Variants in TYW1B observed in about 807,000 individuals in gnomAD.
The protein encoded by TYW1B is tRNA-yW synthesizing protein 1 homolog B.
Under a neutral mutation model 86.9 loss-of-function variants are expected in TYW1B, and 73 were observed. That is an observed-to-expected ratio of 0.84 (90% CI 0.70 to 1.02). The LOEUF is 1.02. Among genes scored for constraint, TYW1B ranks in the 50% least tolerant of loss-of-function variants. The pLI is 0.00. For synonymous variants in TYW1B, 248 were observed against 292.8 expected (o/e 0.85, Z 1.56); for missense variants, 637 against 827.4 (o/e 0.77, Z 2.82).
chr7:72,659,661 G>A (rs1813285321), intron 11 of TYW1B, among the ~76,000 whole-genome samples: 1 of 152,192 alleles, frequency 6.6e-6, no homozygotes, highest in African/African-American at 2.4e-5. Context: ...CAGAACCTAG[G>A]TGTGCAAACC....
chr7:72,667,075 C>T (rs1336267748), intron 11 of TYW1B, among the ~76,000 whole-genome samples: 1 of 142,496 alleles, frequency 7.0e-6, no homozygotes, highest in African/African-American at 2.6e-5. Context: ...GGTAAAATGC[C>T]CATATGTACA....
chr7:72,581,349 A>AGAT (rs569915716), intron 13 of TYW1B, among the ~76,000 whole-genome samples: 274 of 151,952 alleles, frequency 1.8e-3, no homozygotes, highest in African/African-American at 6.2e-3. Context: ...CCAAGAAGAC[A>AGAT]GATGACAAGA....
At chr7:72,768,838 A>G (rs1445192247) in intron 7 of TYW1B, 19 of 269,620 alleles carry the variant, frequency 7.0e-5, no homozygotes, top group African/African-American at 4.0e-4. Context: ...CCTGTGCCCT[A>G]TATGACTTCT....
At chr7:72,827,671 G>T (rs1184756567) in intron 1 of TYW1B, among the ~76,000 whole-genome samples, 1 of 151,990 alleles carries the variant, frequency 6.6e-6, no homozygotes, top group Admixed American at 6.6e-5. Flanking sequence ...TACTTTCAAA[G>T]GCTCACGGTT....
At chr7:72,793,520 G>A (rs1275497384) in intron 6 of TYW1B, among the ~76,000 whole-genome samples, 3 of 152,020 alleles carry the variant, frequency 2.0e-5, no homozygotes, top group South Asian at 2.1e-4. Flanking sequence ...GCCGAGGTGG[G>A]CAGATCACAA....
At chr7:72,620,257 CGTG>C (rs1179407540) in intron 12 of TYW1B, among the ~76,000 whole-genome samples, 1 of 151,968 alleles carries the variant, frequency 6.6e-6, no homozygotes, top group East Asian at 1.9e-4. Context: ...ATTGGCTGGG[CGTG>C]GTGGTGCCCG....
intron 13 of TYW1B, among the ~76,000 whole-genome samples, chr7:72,592,388 T>C (rs1173997754): frequency 2.0e-5 from 3 of 151,576 alleles, no homozygotes; most frequent in Non-Finnish European, 4.4e-5. Context: ...ACAAGGAGAA[T>C]AGCTACAGCA....
intron 11 of TYW1B, among the ~76,000 whole-genome samples, chr7:72,682,050 G>A (rs1387533691): frequency 6.6e-6 from 1 of 151,414 alleles, no homozygotes; most frequent in African/African-American, 2.4e-5. Flanking sequence ...CCTGATTTTT[G>A]TATTTGTAGT....
intron 12 of TYW1B, among the ~76,000 whole-genome samples, chr7:72,620,706 T>C (rs2129568510): frequency 6.6e-6 from 1 of 152,276 alleles, no homozygotes; most frequent in Middle Eastern, 3.4e-3. Flanking sequence ...TTTCCCTTCA[T>C]ATCACAGCTG....
At chr7:72,697,736 A>AAT (rs1814357318) in intron 10 of TYW1B, among the ~76,000 whole-genome samples, 1 of 152,218 alleles carries the variant, frequency 6.6e-6, no homozygotes, top group Non-Finnish European at 1.5e-5. Context: ...AAAAAAAGAC[A>AAT]ATATTTAAGA....
chr7:72,643,355 T>G (rs2844159), intron 11 of TYW1B, among the ~76,000 whole-genome samples: 2 of 152,064 alleles, frequency 1.3e-5, no homozygotes, highest in Admixed American at 6.6e-5. Flanking sequence ...GGGAGGCCGA[T>G]GTGGGCGGAT....
intron 7 of TYW1B, among the ~76,000 whole-genome samples, chr7:72,757,490 A>T (rs1413768284): frequency 6.6e-6 from 1 of 152,188 alleles, no homozygotes; most frequent in African/African-American, 2.4e-5. Flanking sequence ...AAAAGCTCAC[A>T]TAATCAAGAC....
intron 11 of TYW1B, among the ~76,000 whole-genome samples, chr7:72,663,761 CAAAAAA>C (rs1177247717): frequency 5.2e-4 from 30 of 57,846 alleles, no homozygotes; most frequent in African/African-American, 1.1e-3. Context: ...GACTCCATCT[CAAAAAA>C]AAAAAAAAAA....
At chr7:72,618,227 ATTTTTTTTTTT>A (rs869158136) in intron 12 of TYW1B, among the ~76,000 whole-genome samples, 3 of 103,938 alleles carry the variant, frequency 2.9e-5, no homozygotes, top group Non-Finnish European at 5.4e-5. Context: ...ATGACACTGA[ATTTTTTTTTTT>A]TTTTTTTTTT....
At chr7:72,675,117 G>C (rs1324044306) in intron 11 of TYW1B, among the ~76,000 whole-genome samples, 1 of 151,962 alleles carries the variant, frequency 6.6e-6, no homozygotes, top group African/African-American at 2.4e-5. Context: ...ACAAAACAAA[G>C]GCCAGGTGCG....
intron 10 of TYW1B, among the ~76,000 whole-genome samples, chr7:72,709,476 G>GA (rs1321474606): frequency 1.2e-3 from 8 of 6,910 alleles, no homozygotes; most frequent in African/African-American, 8.4e-3. Flanking sequence ...AGACCATCCT[G>GA]CTAACACGGT....
intron 12 of TYW1B, among the ~76,000 whole-genome samples, chr7:72,627,750 C>A (rs1424272242): frequency 6.6e-6 from 1 of 152,058 alleles, no homozygotes; most frequent in African/African-American, 2.4e-5. Flanking sequence ...AACCCACACA[C>A]ACATGCACCC....
intron 2 of TYW1B, among the ~76,000 whole-genome samples, chr7:72,815,863 T>TA (rs1379093272): frequency 4.0e-5 from 6 of 151,510 alleles, no homozygotes; most frequent in African/African-American, 7.3e-5. Context: ...CTCATCTTTA[T>TA]AAAAAAAATT....
intron 13 of TYW1B, among the ~76,000 whole-genome samples, chr7:72,613,306 A>G (rs1811981808): frequency 6.6e-6 from 1 of 152,124 alleles, no homozygotes; most frequent in Non-Finnish European, 1.5e-5. Context: ...AAATGAGTAA[A>G]CAAGCAAAGA....
Sources: gnomAD v4.1 joint callset for allele counts (sites outside exome capture counted in the v4.1 genomes callset) on GRCh38, gnomAD v4.1.1 for gene constraint, MANE v1.5 for transcripts, NCBI Gene and HGNC (gene_info 2026-07-23, HGNC 2026-07-21) for gene names.